GRM8: variants seen among roughly 807,000 people sequenced by gnomAD.
GRM8 encodes the protein glutamate metabotropic receptor 8, also known as metabotropic glutamate receptor 8.
A neutral mutation model predicts 87.2 loss-of-function variants in GRM8; 47 were observed. The ratio of observed to expected loss-of-function variants is 0.54; its 90% CI spans 0.43 to 0.69. The LOEUF is 0.69. GRM8 is among the 30% of genes least tolerant of loss of function. The pLI, the probability that GRM8 is intolerant of heterozygous loss-of-function variation, is 0.00. For missense variants in GRM8, 1,019 were observed against 1,139.2 expected (o/e 0.89, Z 1.52); for synonymous variants, 396 against 404.5 (o/e 0.98, Z 0.25).
intron 7 of GRM8, among the ~76,000 whole-genome samples, chr7:126,636,088 G>A (rs1039310439): frequency 6.6e-6 from 1 of 151,970 alleles, no homozygotes; most frequent in African/African-American, 2.4e-5. Flanking sequence ...TTTTTATGAA[G>A]CTATATTTTT....
At chr7:127,232,914 T>C (rs1797774661) in intron 2 of GRM8, among the ~76,000 whole-genome samples, 1 of 152,150 alleles carries the variant, frequency 6.6e-6, no homozygotes, top group East Asian at 1.9e-4. Context: ...CTTGGCTCAC[T>C]GCAACCTCTG....
chr7:126,840,510 C>A lies in GRM8; in HGVS notation c.1156+62032G>T, dbSNP rs193168982. On this transcript the variant is annotated intron_variant, in intron 6 of 10. Transcript: ENST00000339582. ...TTTCAAGCATAGTTTTTTTCTCATT[C>A]ATTATATTGTTATCATAACCACGTG... Among the ~76,000 whole-genome samples the A allele has an allele frequency of 7.2e-5, 11 of 152,114 alleles. No individual in the cohort carries two copies. In the East Asian group the frequency reaches 2.1e-3, roughly 29 times the overall value.
rs1285156615 is a variant in GRM8, at chr7:127,015,151, GA to G, written c.727+91344del. Among the ~76,000 whole-genome samples, 334 of 74,434 alleles carry G rather than the reference GA, an allele frequency of 4.5e-3. 4 individuals are homozygous for G. The highest frequency in any genetic ancestry group is 7.1e-3 in the Non-Finnish European group (275 of 38,548). The allele number at this position is 74,434 out of a possible 152,430, so 48.8% of individuals were successfully genotyped here. Reference sequence around the variant, plus strand: ...AGAAGGAGAAGGAAGAAGGAAGAAGGAAGAAGGAGAAGGAGAAGGAGAAGGA... The same window carrying G: ...AGAAGGAGAAGGAAGAAGGAAGAAGGAGAAGGAGAAGGAGAAGGAGAAGGA... On this transcript the variant is annotated intron_variant, in intron 3 of 10. Transcript: ENST00000339582.
intron 7 of GRM8, among the ~76,000 whole-genome samples, chr7:126,637,750 T>C (rs1309163422): frequency 1.3e-5 from 2 of 152,142 alleles, no homozygotes; most frequent in Non-Finnish European, 2.9e-5. Context: ...CTGTGTCCCT[T>C]CTATGCTTAA....
chr7:126,532,783 ATATATATATAT>A (rs1815047605), intron 9 of GRM8, among the ~76,000 whole-genome samples, 158 bp downstream of exon 9: 1 of 12,040 alleles, frequency 8.3e-5, no homozygotes, highest in Admixed American at 5.6e-4. Flanking sequence ...ATATATATAT[ATATATATATAT>A]ATATATATAT....
chr7:127,125,992 A>T (rs1453592979), intron 2 of GRM8, among the ~76,000 whole-genome samples: 1 of 138,062 alleles, frequency 7.2e-6, no homozygotes, highest in East Asian at 2.0e-4. Context: ...GTTGGTGAGG[A>T]TGCGGAGAAA....
At chr7:127,099,346 A>G (rs1438898081) in intron 3 of GRM8, among the ~76,000 whole-genome samples, 1 of 152,214 alleles carries the variant, frequency 6.6e-6, no homozygotes, top group East Asian at 1.9e-4. Context: ...AAATAAAAAT[A>G]AATTAGGCCA....
chr7:126,653,613 C>A (rs1166056969), intron 7 of GRM8, among the ~76,000 whole-genome samples: 1 of 152,196 alleles, frequency 6.6e-6, no homozygotes, highest in Non-Finnish European at 1.5e-5. Flanking sequence ...CAGTTTTCAG[C>A]TGCTTCTATG....
chr7:126,495,564 G>A (rs1043766795), intron 9 of GRM8, among the ~76,000 whole-genome samples: 5 of 151,952 alleles, frequency 3.3e-5, no homozygotes, highest in Non-Finnish European at 5.9e-5. Context: ...TTCTAATTGG[G>A]ATTTCCAGTT....
intron 3 of GRM8, among the ~76,000 whole-genome samples, chr7:127,067,827 C>A (rs1278042551): frequency 6.6e-6 from 1 of 152,082 alleles, no homozygotes; most frequent in East Asian, 1.9e-4. Flanking sequence ...TCTTCATTTT[C>A]ATCTTATTAT....
At chr7:126,641,387 C>T (rs2237753) in intron 7 of GRM8, among the ~76,000 whole-genome samples, 46,824 of 151,928 alleles carry the variant, frequency 0.31, 8,102 homozygotes, top group East Asian at 0.43. Context: ...TATGAGTAAG[C>T]GTCAGTGACT....
intron 8 of GRM8, among the ~76,000 whole-genome samples, chr7:126,584,227 CT>C (rs147591844): frequency 9.2e-5 from 14 of 151,416 alleles, no homozygotes; most frequent in African/African-American, 2.2e-4. Flanking sequence ...GTAAAGATAA[CT>C]TTTTTTTTAT....
intron 6 of GRM8, among the ~76,000 whole-genome samples, chr7:126,781,738 C>G (rs886416119): frequency 1.3e-5 from 2 of 152,062 alleles, no homozygotes; most frequent in Non-Finnish European, 2.9e-5. Flanking sequence ...TATTTTGAGA[C>G]AGGGTCTCAC....
At chr7:126,470,652 C>T (rs554795167) in intron 9 of GRM8, among the ~76,000 whole-genome samples, 55 of 152,194 alleles carry the variant, frequency 3.6e-4, no homozygotes, top group Middle Eastern at 3.4e-3. Context: ...AATAAACACA[C>T]GTGTGCATGT....
chr7:126,771,583 C>A (rs928891127), intron 6 of GRM8, among the ~76,000 whole-genome samples: 7 of 152,084 alleles, frequency 4.6e-5, no homozygotes, highest in African/African-American at 1.7e-4. Flanking sequence ...ATGTTGACTA[C>A]AGAATCCAGA....
intron 3 of GRM8, among the ~76,000 whole-genome samples, chr7:127,085,420 T>G (rs544465412): frequency 1.3e-5 from 2 of 152,324 alleles, no homozygotes; most frequent in Non-Finnish European, 2.9e-5. Context: ...CTAATTTACA[T>G]TCCCACCAAC....
At chr7:126,590,928 A>C (rs913642224) in intron 8 of GRM8, among the ~76,000 whole-genome samples, 1 of 152,186 alleles carries the variant, frequency 6.6e-6, no homozygotes, top group African/African-American at 2.4e-5. Flanking sequence ...TCCTTAAAGC[A>C]TAAATTTCAC....
rs530038398 is a variant in GRM8, at chr7:126,816,628, A to G, written c.1157-46563T>C. Among the ~76,000 whole-genome samples the G allele has an allele frequency of 4.0e-5, 6 of 151,676 alleles. No individual in the cohort carries two copies. The South Asian group carries it at 1.2e-3, about 32-fold the overall frequency. The stretch of plus-strand genomic sequence containing the variant: ...GGATTTGGTGTAATGATTAAATGTC[A>G]TGATGATGATGATGATGATGGTTTC... On this transcript the variant is annotated intron_variant, in intron 6 of 10. Transcript: ENST00000339582.
intron 2 of GRM8, among the ~76,000 whole-genome samples, chr7:127,156,281 C>T (rs1298285726): frequency 2.0e-5 from 3 of 152,074 alleles, no homozygotes; most frequent in East Asian, 1.9e-4. Context: ...AGCCCACCTT[C>T]GTAGCAGTTA....
Sources: gnomAD v4.1 joint callset for allele counts (sites outside exome capture counted in the v4.1 genomes callset) on GRCh38, gnomAD v4.1.1 for gene constraint, MANE v1.5 for transcripts, NCBI Gene and HGNC (gene_info 2026-07-23, HGNC 2026-07-21) for gene names.